LIPI: variants seen among roughly 807,000 people sequenced by gnomAD.
The protein encoded by LIPI is lipase I, also known as lipase member I.
In LIPI, 59 loss-of-function variants were observed where a neutral mutation model predicts 50.6. That is an observed-to-expected ratio of 1.16 (90% CI 0.94 to 1.45). The LOEUF (loss-of-function observed/expected upper bound fraction) is 1.45. Ranked by LOEUF, LIPI falls within the 40% of genes most tolerant of loss-of-function variation. LIPI has a pLI of 0.00. For synonymous variants in LIPI, 203 were observed against 178.2 expected (o/e 1.14, Z -1.11); for missense variants, 586 against 536.3 (o/e 1.09, Z -0.92).
chr21:14,203,510 A>C (rs908541660), intron 1 of LIPI, among the ~76,000 whole-genome samples: 2 of 152,170 alleles, frequency 1.3e-5, no homozygotes, highest in African/African-American at 4.8e-5. Context: ...AGCCATAAAA[A>C]AGGATGAGTT....
chr21:14,115,612 G>A (rs1336880597), intron 9 of LIPI, among the ~76,000 whole-genome samples: 4 of 152,218 alleles, frequency 2.6e-5, no homozygotes, highest in African/African-American at 9.6e-5. Flanking sequence ...GGACGTGGGA[G>A]ATTTGGGACT....
intron 9 of LIPI, chr21:14,143,496 T>G (rs2017789418): frequency 6.6e-6 from 1 of 152,124 alleles, no homozygotes; most frequent in Admixed American, 6.6e-5. Flanking sequence ...ATTTTTATTT[T>G]TACTCTCCAC....
intron 4 of LIPI, among the ~76,000 whole-genome samples, chr21:14,176,364 A>T (rs1420561929): frequency 2.6e-5 from 4 of 151,678 alleles, no homozygotes; most frequent in Non-Finnish European, 4.4e-5. Context: ...CTATCGTTTA[A>T]TTCTTAATTT....
At chr21:14,129,799 T>TTTTG (rs2017214137) in intron 9 of LIPI, among the ~76,000 whole-genome samples, 1 of 82,000 alleles carries the variant, frequency 1.2e-5, no homozygotes. Flanking sequence ...ACTCTAATTG[T>TTTTG]TTTTTTTTTT....
chr21:14,161,245 C>T (rs2018450142), intron 7 of LIPI, among the ~76,000 whole-genome samples: 1 of 149,612 alleles, frequency 6.7e-6, no homozygotes, highest in South Asian at 2.1e-4. Context: ...ATTGGTTAAA[C>T]AAATGGTGGC....
intron 7 of LIPI, among the ~76,000 whole-genome samples, chr21:14,160,489 A>T (rs2018424675): frequency 6.6e-6 from 1 of 151,394 alleles, no homozygotes; most frequent in Non-Finnish European, 1.5e-5. Context: ...GCTATAAAAA[A>T]AACTAAATAG....
intron 9 of LIPI, among the ~76,000 whole-genome samples, chr21:14,142,529 G>A (rs142332980): frequency 0.013 from 2,026 of 150,558 alleles, 45 homozygotes; most frequent in African/African-American, 0.046. Flanking sequence ...TGTTGCTCAG[G>A]CTGGAGTGCA....
At chr21:14,137,599 T>TA (rs1447812347) in intron 9 of LIPI, among the ~76,000 whole-genome samples, 5 of 151,876 alleles carry the variant, frequency 3.3e-5, no homozygotes, top group Non-Finnish European at 7.4e-5. Context: ...AAAATAGCCT[T>TA]AAAAGGGGAA....
chr21:14,157,702 G>A (rs571695193), intron 7 of LIPI, among the ~76,000 whole-genome samples: 1 of 151,800 alleles, frequency 6.6e-6, no homozygotes, highest in Non-Finnish European at 1.5e-5. Flanking sequence ...AAAGAGAGAA[G>A]GACTCTAAGA....
chr21:14,187,694 T>G (rs759989301), intron 2 of LIPI, among the ~76,000 whole-genome samples: 1 of 152,160 alleles, frequency 6.6e-6, no homozygotes, highest in African/African-American at 2.4e-5. Context: ...ACCTCCTCTG[T>G]CTCTCTACAG....
intron 6 of LIPI, 82 bp downstream of exon 6, chr21:14,165,141 G>A (rs919385644): frequency 9.1e-7 from 1 of 1,098,600 alleles, no homozygotes; most frequent in Non-Finnish European, 1.4e-6. Flanking sequence ...AGAGTGCACA[G>A]TTTAGCTTCC....
chr21:14,128,855 G>C (rs2122984235), intron 9 of LIPI, among the ~76,000 whole-genome samples: 2 of 152,190 alleles, frequency 1.3e-5, no homozygotes, highest in East Asian at 3.9e-4. Context: ...TTAGTCAACT[G>C]TGATCAGAGC....
At chr21:14,170,753 A>G (rs916008459) in intron 4 of LIPI, among the ~76,000 whole-genome samples, 4 of 151,178 alleles carry the variant, frequency 2.6e-5, no homozygotes, top group Admixed American at 2.6e-4. Context: ...CCCACAGCCA[A>G]TATCATGCTG....
At chr21:14,148,084 G>C (rs893538737) in intron 8 of LIPI, among the ~76,000 whole-genome samples, 1 of 151,878 alleles carries the variant, frequency 6.6e-6, no homozygotes, top group South Asian at 2.1e-4. Flanking sequence ...TAGTAGTATA[G>C]AAAAAATAAC....
intron 4 of LIPI, among the ~76,000 whole-genome samples, chr21:14,177,042 CAATT>C (rs1438993175): frequency 6.6e-6 from 1 of 152,154 alleles, no homozygotes; most frequent in East Asian, 1.9e-4. Context: ...TCTATTAGAT[CAATT>C]GTGTTAATTA....
chr21:14,129,795 A>AT (rs1319392885), intron 9 of LIPI, among the ~76,000 whole-genome samples: 1 of 131,092 alleles, frequency 7.6e-6, no homozygotes, highest in Non-Finnish European at 1.7e-5. Context: ...AATGACTCTA[A>AT]TTGTTTTTTT....
At chr21:14,147,199 G>C (rs11087929) in intron 8 of LIPI, among the ~76,000 whole-genome samples, 13,883 of 152,112 alleles carry the variant, frequency 0.091, 801 homozygotes, top group East Asian at 0.27. Context: ...GGCAATGACT[G>C]CTGTTCACCA....
At chr21:14,204,975 G>A (rs764171532) in intron 1 of LIPI, among the ~76,000 whole-genome samples, 39 of 151,386 alleles carry the variant, frequency 2.6e-4, no homozygotes, top group Non-Finnish European at 3.8e-4. Context: ...AATGAACTAC[G>A]GAAGTGTTTT....
chr21:14,203,300 G>A (rs2020124453), intron 1 of LIPI, among the ~76,000 whole-genome samples: 1 of 152,090 alleles, frequency 6.6e-6, no homozygotes. Context: ...TCTAGAACTA[G>A]AAATACCATT....
Sources: allele counts gnomAD v4.1 joint callset (sites outside exome capture counted in the v4.1 genomes callset), GRCh38; gene constraint gnomAD v4.1.1; transcripts MANE v1.5; gene names NCBI Gene and HGNC (gene_info 2026-07-23, HGNC 2026-07-21).